The following HTRA3 variants were observed in gnomAD, a reference collection of about 807,000 sequenced individuals.
HTRA3 encodes the protein serine protease HTRA3.
In HTRA3, 41 loss-of-function variants were observed where a neutral mutation model predicts 43.2. The ratio of observed to expected loss-of-function variants is 0.95; its 90% CI spans 0.74 to 1.23. HTRA3 has a LOEUF of 1.23. Ranked by LOEUF, HTRA3 falls within the 50% of genes most tolerant of loss-of-function variation. The pLI, the probability that HTRA3 is intolerant of heterozygous loss-of-function variation, is 0.00. For missense variants in HTRA3, 628 were observed against 647.1 expected (o/e 0.97, Z 0.32); for synonymous variants, 295 against 287.9 (o/e 1.02, Z -0.25).
chr4:8,280,122 G>A (rs1230625040), intron 1 of HTRA3, among the ~76,000 whole-genome samples: 2 of 152,096 alleles, frequency 1.3e-5, no homozygotes, highest in African/African-American at 4.8e-5. Flanking sequence ...GTGTAGAGAG[G>A]TGGATGATGA....
chr4:8,283,997 G>C (rs917510263), intron 2 of HTRA3, among the ~76,000 whole-genome samples: 2 of 152,162 alleles, frequency 1.3e-5, no homozygotes, highest in Non-Finnish European at 2.9e-5. Context: ...AGCAGAGGTC[G>C]TGCTCCTTGA....
chr4:8,278,181 C>A (rs1483680386), intron 1 of HTRA3, among the ~76,000 whole-genome samples: 1 of 152,100 alleles, frequency 6.6e-6, no homozygotes, highest in African/African-American at 2.4e-5. Flanking sequence ...TCAGGGTTGG[C>A]CACAGTCCCC....
chr4:8,281,606 C>T (rs541450853), intron 1 of HTRA3, among the ~76,000 whole-genome samples: 1 of 152,232 alleles, frequency 6.6e-6, no homozygotes, highest in African/African-American at 2.4e-5. Context: ...GGCTCGGGAG[C>T]CACGAGCGAG....
At chr4:8,302,912 C>G (rs1475025015) in intron 7 of HTRA3, among the ~76,000 whole-genome samples, 1 of 152,222 alleles carries the variant, frequency 6.6e-6, no homozygotes, top group African/African-American at 2.4e-5. Context: ...TCCAGGCATC[C>G]TTGGCTTGTG....
At chr4:8,282,651 G>A in intron 2 of HTRA3, 115 bp downstream of exon 2, 1 of 809,668 alleles carries the variant, frequency 1.2e-6, no homozygotes, top group Non-Finnish European at 2.0e-6. Context: ...AACTGGAGTG[G>A]CCTGGGGTCA....
Position 8,270,268 on chromosome 4 carries a change from G to A in HTRA3, c.300G>A (p.Val100=), listed in dbSNP as rs979404085. ...CCGACGGGCACACCTATGCCAACGT[G>A]TGCGCGCTGCAGGCGGCCAGCCGCC... ...CGTDGHTYAN[V]CALQAASRRA... Residue 100 remains valine, a synonymous_variant, in exon 1 of 9, where the codon GTG becomes GTA. Coordinates refer to ENST00000307358, the MANE Select transcript of HTRA3 (RefSeq NM_053044.5). 4.7e-6 allele frequency: 7 copies of A among 1,502,984 alleles called. No individual in the cohort carries two copies. In the East Asian group the frequency reaches 8.1e-5, roughly 17 times the overall value. 93.1% of individuals were successfully genotyped at this position (1,502,984 alleles called of 1,614,324 possible).
At chr4:8,274,868 T>C (rs936237937) in intron 1 of HTRA3, among the ~76,000 whole-genome samples, 1 of 152,204 alleles carries the variant, frequency 6.6e-6, no homozygotes, top group African/African-American at 2.4e-5. Context: ...CACCGGCTTT[T>C]ATTGTGCAAC....
chr4:8,274,794 C>A (rs907526635), intron 1 of HTRA3, among the ~76,000 whole-genome samples: 2 of 152,228 alleles, frequency 1.3e-5, no homozygotes, highest in Non-Finnish European at 1.5e-5. Context: ...GATAAACAGG[C>A]CTTGGAGCCT....
chr4:8,305,553 A>G (rs1390831594), intron 8 of HTRA3, among the ~76,000 whole-genome samples: 1 of 152,226 alleles, frequency 6.6e-6, no homozygotes, highest in African/African-American at 2.4e-5. Context: ...TCATGCAGAG[A>G]GAAGGCTGGC....
rs1712173236 is a variant in HTRA3 at position 8,269,920 on chromosome 4, G to C, written c.-49G>C. ...CCGCAGCGGCCTCGTTGTCCCCGCCGGCCCCCGCCCGGTCTCCCGCGCTGC... is the reference window on the plus strand; with the variant it reads ...CCGCAGCGGCCTCGTTGTCCCCGCCCGCCCCCGCCCGGTCTCCCGCGCTGC... On this transcript the variant is annotated 5_prime_UTR_variant, in exon 1 of 9. Transcript: ENST00000307358. The C allele has an allele frequency of 2.2e-6, 2 of 928,586 alleles. No individual in the cohort carries two copies. The highest frequency in any genetic ancestry group is 2.6e-6 in the Non-Finnish European group (2 of 771,230). The allele number at this position is 928,586 out of a possible 1,614,324, so 57.5% of individuals were successfully genotyped here. A position where few individuals can be genotyped will look rare whatever the true frequency, so the allele number is the denominator to read the frequency against.
chr4:8,296,357 C>T lies in HTRA3; in HGVS notation c.1051+2156C>T, dbSNP rs114880438. 6,815 of 985,434 alleles carry T rather than the reference C, an allele frequency of 6.9e-3. 379 individuals carry two copies. In the African/African-American group the frequency reaches 0.11, roughly 16 times the overall value. The allele number at this position is 985,434 out of a possible 1,614,324, so 61.0% of individuals were successfully genotyped here. ...CCTCCCCAAGGACAGTGCAGACTAA[C>T]TGAGGAGCCTGATAAACCTTAGCTG... On this transcript the variant is annotated intron_variant, in intron 6 of 8. Transcript: ENST00000307358. The surrounding 1 kb of genome is among the most constrained non-coding windows in gnomAD (Gnocchi z 5.3).
intron 1 of HTRA3, among the ~76,000 whole-genome samples, chr4:8,275,415 A>G (rs7667968): frequency 0.64 from 97,648 of 152,074 alleles, 32,339 homozygotes; most frequent in African/African-American, 0.75. Context: ...TGGTGACCCC[A>G]ACCACTGCCT....
In HTRA3 at chr4:8,297,494, C is replaced by T. The variant is rs939411961; in HGVS notation, c.1051+3293C>T. Among the ~76,000 whole-genome samples the T allele has an allele frequency of 9.9e-5, 15 of 152,126 alleles. No homozygotes were observed. The highest frequency in any genetic ancestry group is 3.9e-4 in the East Asian group (2 of 5,158). Reference sequence around the variant, plus strand: ...CTAGCAGGGAGACGGGCCACAAAAACGCCCCCAGATGCCACAGATCAAAGT... The same window carrying T: ...CTAGCAGGGAGACGGGCCACAAAAATGCCCCCAGATGCCACAGATCAAAGT... On this transcript the variant is annotated intron_variant, in intron 6 of 8. Transcript: ENST00000307358. This position sits in a 1 kb window ranked among gnomAD's most constrained non-coding sequence, Gnocchi z 5.8.
chr4:8,283,068 G>C (rs563315232), intron 2 of HTRA3, among the ~76,000 whole-genome samples: 206 of 152,358 alleles, frequency 1.4e-3, no homozygotes, highest in African/African-American at 4.7e-3. Flanking sequence ...AGGCCCGTGT[G>C]GCCGGAGCGG....
intron 3 of HTRA3, among the ~76,000 whole-genome samples, chr4:8,287,996 C>G (rs1578797907): frequency 6.6e-6 from 1 of 152,326 alleles, no homozygotes; most frequent in East Asian, 1.9e-4. Flanking sequence ...CCCGGAGCTT[C>G]CCTTGGACTG....
intron 8 of HTRA3, among the ~76,000 whole-genome samples, chr4:8,304,650 T>G (rs111855152): frequency 0.012 from 859 of 72,732 alleles, 13 homozygotes; most frequent in South Asian, 0.021. Flanking sequence ...ATTGTTTTTT[T>G]TTTTTTTTTT....
At chr4:8,289,376 G>A (rs1037266981) in intron 3 of HTRA3, among the ~76,000 whole-genome samples, 1 of 152,244 alleles carries the variant, frequency 6.6e-6, no homozygotes, top group Non-Finnish European at 1.5e-5. Flanking sequence ...GTGTGGCTGC[G>A]TTCCAGTGAA....
At chr4:8,276,953 A>G (rs1290596023) in intron 1 of HTRA3, among the ~76,000 whole-genome samples, 2 of 152,256 alleles carry the variant, frequency 1.3e-5, no homozygotes, top group African/African-American at 2.4e-5. Context: ...CAAGAATTCA[A>G]TGAGATCACA....
chr4:8,285,367 T>G (rs1712914546), intron 2 of HTRA3, among the ~76,000 whole-genome samples: 1 of 152,296 alleles, frequency 6.6e-6, no homozygotes. Flanking sequence ...TTCGCTGCCA[T>G]CTCTGGTCCT....
Sources: gnomAD v4.1 joint callset for allele counts (sites outside exome capture counted in the v4.1 genomes callset) on GRCh38, gnomAD v4.1.1 for gene constraint, Gnocchi (gnomAD v3.1) non-coding constraint, MANE v1.5 for transcripts, NCBI Gene and HGNC (gene_info 2026-07-23, HGNC 2026-07-21) for gene names.